INTS6L: variants seen among roughly 807,000 people sequenced by gnomAD.
INTS6L encodes the protein integrator complex subunit 6 like.
A neutral mutation model predicts 64.7 loss-of-function variants in INTS6L; 18 were observed. The observed-to-expected ratio is 0.28, with a 90% CI of 0.19 to 0.41. INTS6L has a LOEUF of 0.41. Among genes scored for constraint, INTS6L ranks in the 10% least tolerant of loss-of-function variants. The probability of loss-of-function intolerance (pLI) is 1.00; values close to 1 mark genes in which losing one functional copy is unlikely to be tolerated. For missense variants in INTS6L, 533 were observed against 661.0 expected (o/e 0.81, Z 2.12); for synonymous variants, 227 against 235.9 (o/e 0.96, Z 0.34).
rs1556534240 is a variant in INTS6L, at chrX:135,581,126, C to T, written c.2571C>T (p.Thr857=). Residue 857 remains threonine (T), a synonymous_variant, in exon 17 of 18, where the codon ACC becomes ACT. Coordinates refer to ENST00000639893, the MANE Select transcript of INTS6L (RefSeq NM_001351601.3). ...LEMKKQFVEF[T]IKEAARFKRR... is the part of the protein sequence containing the mutation. ...TGAAGAAACAGTTTGTTGAATTTAC[C>T]ATCAAGGAAGCCGCAAGGTAGGTAT... 2 of 1,193,070 alleles carry T rather than the reference C, an allele frequency of 1.7e-6. No individual in the cohort carries two copies. Among genetic ancestry groups the T allele is most frequent in the Admixed American group, 4.6e-5 (2 of 43,114 alleles).
In INTS6L at chrX:135,570,514, G is replaced by T; in HGVS notation, c.1366G>T (p.Val456Phe). The change falls in exon 11 of 18, where the codon GTT becomes TTT. Residue 456 changes from valine to phenylalanine, a missense_variant. By Grantham distance (50) the Val-to-Phe change is conservative (BLOSUM62 -1). Coordinates refer to ENST00000639893, the MANE Select transcript of INTS6L (RefSeq NM_001351601.3). ...DNLDCGLSYS[V>F]ISYLKKLSQQ... Reference sequence around the variant, plus strand: ...TTTAGATTGTGGACTTAGTTACAGTGTTATCTCTTACCTTAAAAAACTCAG... The same window carrying T: ...TTTAGATTGTGGACTTAGTTACAGTTTTATCTCTTACCTTAAAAAACTCAG... The T allele has an allele frequency of 1.7e-6, 2 of 1,154,258 alleles. No individual in the cohort carries two copies. Among genetic ancestry groups the T allele is most frequent in the Non-Finnish European group, 2.3e-6 (2 of 871,747 alleles).
chrX:135,523,113 G>A (rs1484116137), intron 2 of INTS6L, among the ~76,000 whole-genome samples: 2 of 111,625 alleles, frequency 1.8e-5, no homozygotes, highest in African/African-American at 6.5e-5. Context: ...GGCCGGGTGC[G>A]GTGGCTCAGG....
intron 9 of INTS6L, among the ~76,000 whole-genome samples, chrX:135,560,423 C>A (rs1556521579): frequency 8.9e-6 from 1 of 112,144 alleles, no homozygotes; most frequent in Admixed American, 9.5e-5. Flanking sequence ...CCTTACTGTA[C>A]TGTAGAGAAC....
intron 2 of INTS6L, among the ~76,000 whole-genome samples, chrX:135,528,853 G>A (rs1416422315): frequency 1.1e-5 from 1 of 87,898 alleles, no homozygotes; most frequent in Non-Finnish European, 2.2e-5. Flanking sequence ...TGGAAGTTCC[G>A]TTTAAAATGA....
At chrX:135,542,987 C>A (rs1224752050) in intron 2 of INTS6L, among the ~76,000 whole-genome samples, 1 of 111,481 alleles carries the variant, frequency 9.0e-6, no homozygotes, top group Non-Finnish European at 1.9e-5. Flanking sequence ...GCTACTAAAT[C>A]CTTAGGACTC....
chrX:135,550,026 G>A lies in INTS6L; in HGVS notation c.906+221G>A, dbSNP rs781813590. Among the ~76,000 whole-genome samples the A allele has an allele frequency of 2.7e-5, 3 of 112,216 alleles. No homozygotes were observed. In the East Asian group the frequency reaches 8.4e-4, roughly 31 times the overall value. On this transcript the variant is annotated intron_variant, in intron 7 of 17. Coordinates refer to ENST00000639893, the MANE Select transcript of INTS6L (RefSeq NM_001351601.3). ...TACTTGTCATTCTTCAGTTGCCTTC[G>A]CCACTTGAGCTGCCCTTTTTGGATG...
intron 14 of INTS6L, among the ~76,000 whole-genome samples, chrX:135,576,663 T>C (rs1163065786): frequency 1.4e-5 from 1 of 74,042 alleles, no homozygotes; most frequent in Non-Finnish European, 2.5e-5. Context: ...CATATTTGAA[T>C]CTCTGTGAGG....
chrX:135,549,634 AC>A lies in INTS6L; in HGVS notation c.743-7del. The A allele has an allele frequency of 8.4e-7, 1 of 1,197,572 alleles. No homozygotes were observed. The highest frequency in any genetic ancestry group is 1.1e-6 in the Non-Finnish European group (1 of 888,610). On this transcript the variant is annotated splice_region_variant and splice_polypyrimidine_tract_variant and intron_variant, in intron 6 of 17. Coordinates refer to ENST00000639893, the MANE Select transcript of INTS6L (RefSeq NM_001351601.3). ...CACGCCTTAGTTTGTCTTTTGTTTA[AC>A]TTTTAGATGGACTTATGGATTCATC...
chrX:135,550,082 A>G (rs1319947143), intron 7 of INTS6L, among the ~76,000 whole-genome samples: 2 of 112,032 alleles, frequency 1.8e-5, no homozygotes, highest in African/African-American at 6.5e-5. Context: ...ATGCTGTTAT[A>G]ATCTGTTACT....
At chrX:135,527,645 G>A (rs782305167) in intron 2 of INTS6L, among the ~76,000 whole-genome samples, 15 of 112,212 alleles carry the variant, frequency 1.3e-4, no homozygotes, top group South Asian at 3.6e-4. Flanking sequence ...CTTCTGGGAT[G>A]CAGAGCTCTT....
chrX:135,539,754 C>T (rs1182582822), intron 2 of INTS6L, among the ~76,000 whole-genome samples: 3 of 111,373 alleles, frequency 2.7e-5, no homozygotes, highest in African/African-American at 9.8e-5. Flanking sequence ...CACTAATTGG[C>T]CTGATTTCAA....
chrX:135,559,270 A>G (rs781914843), intron 9 of INTS6L, among the ~76,000 whole-genome samples: 37 of 111,875 alleles, frequency 3.3e-4, no homozygotes, highest in Non-Finnish European at 6.6e-4. Flanking sequence ...ATGAGGCCCT[A>G]TTACAGCCAC....
chrX:135,527,305 A>G (rs897387533), intron 2 of INTS6L, among the ~76,000 whole-genome samples: 2 of 112,304 alleles, frequency 1.8e-5, no homozygotes, highest in East Asian at 2.8e-4. Context: ...TTCATTTACC[A>G]TATACTTCTT....
chrX:135,540,092 A>G (rs782185366), intron 2 of INTS6L, among the ~76,000 whole-genome samples: 1 of 112,625 alleles, frequency 8.9e-6, no homozygotes, highest in East Asian at 2.8e-4. Context: ...TTCAATTTGT[A>G]AAAAATGCAA....
intron 9 of INTS6L, among the ~76,000 whole-genome samples, chrX:135,557,615 A>G (rs2086675570): frequency 8.9e-6 from 1 of 112,294 alleles, no homozygotes; most frequent in Admixed American, 9.4e-5. Flanking sequence ...TGTAGGTACT[A>G]TGCTAGAAAA....
At chrX:135,521,430 G>C (rs2085551075) in intron 2 of INTS6L, 112 bp downstream of exon 2, 1 of 789,913 alleles carries the variant, frequency 1.3e-6, no homozygotes, top group Non-Finnish European at 1.8e-6. Context: ...CGGGGCGGGC[G>C]GCGAGGGGGT....
chrX:135,577,452 C>T (rs782052626), intron 15 of INTS6L, 25 bp downstream of exon 15: 1 of 1,177,712 alleles, frequency 8.5e-7, no homozygotes, highest in Admixed American at 2.2e-5. Context: ...TTGTGATTTC[C>T]TTATGGCTCC....
intron 2 of INTS6L, 88 bp downstream of exon 2, chrX:135,521,406 C>A: frequency 1.0e-6 from 1 of 955,800 alleles, no homozygotes; most frequent in Non-Finnish European, 1.4e-6. Flanking sequence ...CTAAGGCGGT[C>A]CTGCGTCGCC....
intron 2 of INTS6L, among the ~76,000 whole-genome samples, chrX:135,536,435 T>C (rs1424850710): frequency 8.9e-6 from 1 of 111,962 alleles, no homozygotes; most frequent in Non-Finnish European, 1.9e-5. Flanking sequence ...TTATTAAACT[T>C]GTACATTATA....
Sources: allele counts gnomAD v4.1 joint callset (sites outside exome capture counted in the v4.1 genomes callset), GRCh38; gene constraint gnomAD v4.1.1; transcripts MANE v1.5; gene names NCBI Gene and HGNC (gene_info 2026-07-23, HGNC 2026-07-21).